The following CSNK2A2IP variants were observed in gnomAD, a reference collection of about 807,000 sequenced individuals.
CSNK2A2IP encodes casein kinase II subunit alpha'-interacting protein.
At chr3:88,399,583 G>A in the CSNK2A2IP span, 1 of 152,172 alleles carries the variant, frequency 6.6e-6, no homozygotes, top group Non-Finnish European at 1.5e-5. Flanking sequence ...CATTGGGCAG[G>A]AAGTGATAAA....
the CSNK2A2IP span, among the ~76,000 whole-genome samples, chr3:88,433,211 G>A: frequency 1.3e-5 from 2 of 151,742 alleles, no homozygotes; most frequent in African/African-American, 2.4e-5. Context: ...TACTGATCCC[G>A]ACTTAATAAG....
At chr3:88,464,771 T>G in the CSNK2A2IP span, among the ~76,000 whole-genome samples, 1 of 152,336 alleles carries the variant, frequency 6.6e-6, no homozygotes, top group East Asian at 1.9e-4. Flanking sequence ...ATGCAATAAT[T>G]AAAAGAGCAC....
the CSNK2A2IP span, among the ~76,000 whole-genome samples, chr3:88,388,934 T>A: frequency 6.6e-6 from 1 of 151,934 alleles, no homozygotes; most frequent in Non-Finnish European, 1.5e-5. Flanking sequence ...TCAGTAATTA[T>A]CTATTGTCTC....
chr3:88,419,523 T>C, the CSNK2A2IP span, among the ~76,000 whole-genome samples: 2 of 152,326 alleles, frequency 1.3e-5, no homozygotes, highest in South Asian at 2.1e-4. Context: ...GCATCTAGGT[T>C]AATTCCATGT....
At chr3:88,379,980 G>A in the CSNK2A2IP span, among the ~76,000 whole-genome samples, 53 of 152,026 alleles carry the variant, frequency 3.5e-4, no homozygotes, top group African/African-American at 1.1e-3. Context: ...TATATTAAAC[G>A]TTATATTATA....
chr3:88,452,443 C>T, the CSNK2A2IP span, among the ~76,000 whole-genome samples: 1 of 152,114 alleles, frequency 6.6e-6, no homozygotes. Flanking sequence ...ACTCCACATG[C>T]TAAGCCCACA....
At chr3:88,410,579 G>A in the CSNK2A2IP span, among the ~76,000 whole-genome samples, 1 of 151,922 alleles carries the variant, frequency 6.6e-6, no homozygotes, top group Admixed American at 6.6e-5. Flanking sequence ...ATAGACTTTG[G>A]TTATTATCTT....
At chr3:88,348,699 G>T in the CSNK2A2IP span, among the ~76,000 whole-genome samples, 3 of 151,880 alleles carry the variant, frequency 2.0e-5, no homozygotes, top group Non-Finnish European at 4.4e-5. Context: ...TCAATAAGTG[G>T]CCAGAAAAGC....
the CSNK2A2IP span, chr3:88,467,208 T>TTCC: frequency 7.5e-6 from 3 of 400,644 alleles, no homozygotes; most frequent in African/African-American, 6.2e-5. Context: ...CCTCCTCCAC[T>TTCC]TCCTCCTCCT....
the CSNK2A2IP span, among the ~76,000 whole-genome samples, chr3:88,358,691 C>T: frequency 6.6e-6 from 1 of 152,162 alleles, no homozygotes; most frequent in Admixed American, 6.5e-5. Flanking sequence ...ATGAATCCCA[C>T]TTGATGATAA....
At chr3:88,370,662 T>G in the CSNK2A2IP span, among the ~76,000 whole-genome samples, 2 of 151,248 alleles carry the variant, frequency 1.3e-5, no homozygotes, top group Admixed American at 6.6e-5. Context: ...CTTTCTTCAT[T>G]TTTTGAAAAA....
At chr3:88,453,797 TA>T in the CSNK2A2IP span, among the ~76,000 whole-genome samples, 1 of 151,270 alleles carries the variant, frequency 6.6e-6, no homozygotes, top group East Asian at 1.9e-4. Flanking sequence ...TAGTGGCAGG[TA>T]TACTCCCTTA....
the CSNK2A2IP span, among the ~76,000 whole-genome samples, chr3:88,356,132 C>T: frequency 6.6e-6 from 1 of 152,056 alleles, no homozygotes; most frequent in Admixed American, 6.6e-5. Context: ...TTGAAATATA[C>T]AATAAGTTAT....
At chr3:88,377,318 G>A in the CSNK2A2IP span, among the ~76,000 whole-genome samples, 1 of 151,628 alleles carries the variant, frequency 6.6e-6, no homozygotes. Flanking sequence ...GTGAACTTTG[G>A]TATTTTCTTT....
chr3:88,388,926 A>G, the CSNK2A2IP span, among the ~76,000 whole-genome samples: 9 of 152,006 alleles, frequency 5.9e-5, no homozygotes, highest in Admixed American at 5.2e-4. Context: ...ACAAATATTC[A>G]GTAATTATCT....
At chr3:88,423,100 T>C in the CSNK2A2IP span, among the ~76,000 whole-genome samples, 1 of 152,188 alleles carries the variant, frequency 6.6e-6, no homozygotes, top group African/African-American at 2.4e-5. Context: ...TGTCACAGTG[T>C]TTGAGGTTTT....
At chr3:88,371,186 G>A in the CSNK2A2IP span, among the ~76,000 whole-genome samples, 3 of 151,866 alleles carry the variant, frequency 2.0e-5, no homozygotes, top group Admixed American at 1.3e-4. Context: ...TGATGCATAT[G>A]CAGGAAGAAA....
the CSNK2A2IP span, among the ~76,000 whole-genome samples, chr3:88,369,295 T>C: frequency 5.9e-5 from 9 of 151,862 alleles, no homozygotes; most frequent in Non-Finnish European, 1.0e-4. Context: ...GAAGGAAAAA[T>C]AAATTTTTGG....
the CSNK2A2IP span, among the ~76,000 whole-genome samples, chr3:88,425,825 G>C: frequency 6.6e-6 from 1 of 151,976 alleles, no homozygotes; most frequent in Non-Finnish European, 1.5e-5. Context: ...CTCCAAACGA[G>C]TTTTCTGACC....
Sources: allele counts gnomAD v4.1 joint callset (sites outside exome capture counted in the v4.1 genomes callset), GRCh38; gene constraint gnomAD v4.1.1; transcripts MANE v1.5; gene names NCBI Gene and HGNC (gene_info 2026-07-23, HGNC 2026-07-21).